Variants in PTPA observed in about 807,000 individuals in gnomAD.
PTPA encodes serine/threonine-protein phosphatase 2A activator.
A neutral mutation model predicts 43.6 loss-of-function variants in PTPA; 13 were observed. The observed-to-expected ratio is 0.30, with a 90% CI of 0.19 to 0.47. The LOEUF is 0.47. Among genes scored for constraint, PTPA ranks in the 20% least tolerant of loss-of-function variants. The pLI, the probability that PTPA is intolerant of heterozygous loss-of-function variation, is 0.99. For missense variants in PTPA, 329 were observed against 411.9 expected (o/e 0.80, Z 1.74); for synonymous variants, 172 against 158.2 (o/e 1.09, Z -0.66).
chr9:129,147,556 T>C lies in PTPA; in HGVS notation c.*92T>C, dbSNP rs1471614035. On this transcript the variant is annotated 3_prime_UTR_variant, in exon 10 of 10. Transcript: ENST00000393370. Reference sequence around the variant, plus strand: ...GCCCCTCCCCATCCCCTCCCTCTGTTCGTCCCGTTTGATGAGAGGCTGTTT... The same window carrying C: ...GCCCCTCCCCATCCCCTCCCTCTGTCCGTCCCGTTTGATGAGAGGCTGTTT... 12 of 1,348,176 alleles carry C rather than the reference T, an allele frequency of 8.9e-6. No individual in the cohort carries two copies. Among genetic ancestry groups the C allele is most frequent in the Non-Finnish European group, 1.2e-5 (12 of 964,932 alleles). 83.5% of individuals were successfully genotyped at this position (1,348,176 alleles called of 1,614,324 possible). A position where few individuals can be genotyped will look rare whatever the true frequency, so the allele number is the denominator to read the frequency against.
chr9:129,145,719 C>T (rs1027023842), intron 9 of PTPA, among the ~76,000 whole-genome samples: 2 of 151,962 alleles, frequency 1.3e-5, no homozygotes, highest in African/African-American at 2.4e-5. Flanking sequence ...TGTGTGGTTG[C>T]GGGGCGGCGG....
chr9:129,120,640 G>C (rs778090863), intron 2 of PTPA, 30 bp downstream of exon 2: 3 of 1,583,892 alleles, frequency 1.9e-6, no homozygotes, highest in Admixed American at 1.7e-5. Flanking sequence ...TGAGAAACTT[G>C]GGCTTTTCAA....
chr9:129,123,926 G>T (rs906475053), intron 3 of PTPA, among the ~76,000 whole-genome samples: 1 of 152,104 alleles, frequency 6.6e-6, no homozygotes, highest in Non-Finnish European at 1.5e-5. Context: ...GAGGTGATCT[G>T]CCTGCCTCGG....
At chr9:129,136,724 C>A in intron 7 of PTPA, 129 bp downstream of exon 7, 1 of 1,224,276 alleles carries the variant, frequency 8.2e-7, no homozygotes, top group Non-Finnish European at 1.1e-6. Context: ...GCTTGGAAAG[C>A]AGGGCATTAG....
chr9:129,111,068 C>T (rs769967390), upstream of PTPA: 3 of 1,367,122 alleles, frequency 2.2e-6, no homozygotes, highest in South Asian at 1.1e-5. Context: ...CGTCTGGTGT[C>T]CTTGAGCCTA....
intron 9 of PTPA, among the ~76,000 whole-genome samples, chr9:129,145,730 G>T (rs79542983): frequency 0.038 from 5,774 of 152,270 alleles, 354 homozygotes; most frequent in African/African-American, 0.13. Flanking sequence ...GGGGCGGCGG[G>T]GGGGAGGGTC....
intron 9 of PTPA, chr9:129,143,306 G>A: frequency 1.4e-6 from 1 of 703,010 alleles, no homozygotes; most frequent in Non-Finnish European, 2.6e-6. Context: ...CCTTGGCCAG[G>A]GAAGGGCTGG....
chr9:129,111,416 C>T lies in PTPA; in HGVS notation c.-185C>T. ...AGGCTTGCTCCCTGAGCGCCCCGCA[C>T]CGACATGGCGGCCGTCTTCGCTGTG... On this transcript the variant is annotated 5_prime_UTR_variant, in exon 1 of 10. Transcript: ENST00000393370. 5 of 1,248,900 alleles carry T rather than the reference C, an allele frequency of 4.0e-6. No individual in the cohort carries two copies. The African/African-American group carries it at 7.8e-5, about 19-fold the overall frequency. 77.4% of individuals were successfully genotyped at this position (1,248,900 alleles called of 1,614,324 possible).
At chr9:129,123,911 G>C (rs1414774628) in intron 3 of PTPA, among the ~76,000 whole-genome samples, 1 of 152,112 alleles carries the variant, frequency 6.6e-6, no homozygotes, top group African/African-American at 2.4e-5. Flanking sequence ...TCAAACTCCT[G>C]ACTTGAGGTG....
chr9:129,147,570 G>A lies in PTPA; in HGVS notation c.*106G>A. 2 of 1,243,882 alleles carry A rather than the reference G, an allele frequency of 1.6e-6. No individual in the cohort carries two copies. The highest frequency in any genetic ancestry group is 2.5e-5 in the East Asian group (1 of 40,368). 77.1% of individuals were successfully genotyped at this position (1,243,882 alleles called of 1,614,324 possible). A position where few individuals can be genotyped will look rare whatever the true frequency, so the allele number is the denominator to read the frequency against. On this transcript the variant is annotated 3_prime_UTR_variant, in exon 10 of 10. Transcript: ENST00000393370. ...CCTCCCTCTGTTCGTCCCGTTTGAT[G>A]AGAGGCTGTTTACTGGGGTGGGGTG... is the stretch of plus-strand genomic sequence containing the variant.
intron 2 of PTPA, among the ~76,000 whole-genome samples, chr9:129,122,015 AAG>A (rs1013415053): frequency 1.3e-5 from 2 of 152,224 alleles, no homozygotes; most frequent in African/African-American, 4.8e-5. Context: ...GAAAGGAAGA[AAG>A]AGAGAGGAAA....
upstream of PTPA, chr9:129,111,322 G>A (rs1848455808): frequency 1.7e-6 from 2 of 1,153,572 alleles, no homozygotes; most frequent in African/African-American, 1.6e-5. Context: ...GCGCGCATGC[G>A]CCCCGCGCGC....
chr9:129,134,774 C>G, intron 5 of PTPA, 21 bp from the exon 6 acceptor site: 1 of 1,589,690 alleles, frequency 6.3e-7, no homozygotes, highest in Non-Finnish European at 8.6e-7. Context: ...ACTGTCAACG[C>G]TGGTTGTTTT....
At chr9:129,145,158 C>T (rs1383353446) in intron 9 of PTPA, among the ~76,000 whole-genome samples, 1 of 152,122 alleles carries the variant, frequency 6.6e-6, no homozygotes, top group Non-Finnish European at 1.5e-5. Flanking sequence ...CGGTGAAACA[C>T]TGTGTCTACT....
At chr9:129,143,657 C>T (rs1851069007) in intron 9 of PTPA, 1 of 521,486 alleles carries the variant, frequency 1.9e-6, no homozygotes. Flanking sequence ...CCCTTCCGCC[C>T]CCTCCCCCTT....
At chr9:129,126,121 C>G (rs1849561610) in intron 3 of PTPA, among the ~76,000 whole-genome samples, 1 of 151,994 alleles carries the variant, frequency 6.6e-6, no homozygotes, top group African/African-American at 2.4e-5. Context: ...TGCACTCCAG[C>G]CCAGGCGACA....
Position 129,142,710 on chromosome 9 carries a change from A to G in PTPA, c.894+158A>G, listed in dbSNP as rs544256650. 8.4e-6 allele frequency: 13 copies of G among 1,540,950 alleles called. No homozygotes were observed. In the South Asian group the frequency reaches 1.2e-4, roughly 14 times the overall value. ...GCCCCTCTGACACTTGGGGCCTCGG[A>G]ATCTCCCATCTGGGGCATGGGCAGT... On this transcript the variant is annotated intron_variant, in intron 9 of 9. Transcript: ENST00000393370.
At chr9:129,129,662 G>A (rs1849824378) in intron 4 of PTPA, among the ~76,000 whole-genome samples, 1 of 151,858 alleles carries the variant, frequency 6.6e-6, no homozygotes, top group Admixed American at 6.6e-5. Context: ...GTAGAGACGG[G>A]GTTTCACCGT....
chr9:129,140,016 G>T (rs1242427369), intron 8 of PTPA: 1 of 152,562 alleles, frequency 6.6e-6, no homozygotes, highest in Non-Finnish European at 1.5e-5. Context: ...TCAGATTTCA[G>T]CTGGAAGGGA....
Sources: allele counts gnomAD v4.1 joint callset (sites outside exome capture counted in the v4.1 genomes callset), GRCh38; gene constraint gnomAD v4.1.1; transcripts MANE v1.5; gene names NCBI Gene and HGNC (gene_info 2026-07-23, HGNC 2026-07-21).